Variants in MRPS28 observed in about 807,000 individuals in gnomAD.
The protein encoded by MRPS28 is small ribosomal subunit protein bS1m.
A neutral mutation model predicts 10.8 loss-of-function variants in MRPS28; 7 were observed. The observed-to-expected ratio is 0.65, with a 90% CI of 0.37 to 1.22. The LOEUF is 1.22. Ranked by LOEUF, MRPS28 falls within the 50% of genes most tolerant of loss-of-function variation. MRPS28 has a pLI of 0.02. For synonymous variants in MRPS28, 121 were observed against 93.3 expected (o/e 1.30, Z -1.71); for missense variants, 265 against 232.9 (o/e 1.14, Z -0.90).
intron 1 of MRPS28, among the ~76,000 whole-genome samples, chr8:80,016,142 T>C (rs188068313): frequency 3.8e-4 from 58 of 152,218 alleles, no homozygotes; most frequent in African/African-American, 1.3e-3. Flanking sequence ...ACTAAGACTT[T>C]CCTTCAAATT....
At chr8:79,933,950 T>C (rs543512003) in intron 2 of MRPS28, among the ~76,000 whole-genome samples, 3 of 152,328 alleles carry the variant, frequency 2.0e-5, no homozygotes, top group South Asian at 2.1e-4. Flanking sequence ...TGCTCTCAGA[T>C]TGGACTCTCA....
intron 2 of MRPS28, among the ~76,000 whole-genome samples, chr8:79,920,470 A>C (rs1265669360): frequency 6.6e-6 from 1 of 152,174 alleles, no homozygotes; most frequent in Non-Finnish European, 1.5e-5. Context: ...CTGACTTTTT[A>C]ATGATCACCA....
chr8:79,966,257 A>C (rs529253245), intron 2 of MRPS28, among the ~76,000 whole-genome samples: 1 of 152,170 alleles, frequency 6.6e-6, no homozygotes, highest in East Asian at 1.9e-4. Flanking sequence ...CATTATAGAT[A>C]TATAAAGGGT....
At chr8:79,953,895 T>C (rs560608216) in intron 2 of MRPS28, among the ~76,000 whole-genome samples, 1 of 152,330 alleles carries the variant, frequency 6.6e-6, no homozygotes, top group Admixed American at 6.5e-5. Flanking sequence ...TCTGTGTGTA[T>C]GCATATACAC....
At chr8:79,979,781 G>A (rs1286820102) in intron 2 of MRPS28, among the ~76,000 whole-genome samples, 2 of 151,752 alleles carry the variant, frequency 1.3e-5, no homozygotes, top group African/African-American at 2.4e-5. Context: ...CAGACATGTG[G>A]TCTGTAGAAT....
chr8:80,018,548 A>G (rs1809267809), intron 1 of MRPS28, among the ~76,000 whole-genome samples: 1 of 152,192 alleles, frequency 6.6e-6, no homozygotes. Context: ...AACATAAATT[A>G]GTACAACCAC....
At chr8:79,941,963 T>C (rs1337280694) in intron 2 of MRPS28, among the ~76,000 whole-genome samples, 3 of 152,142 alleles carry the variant, frequency 2.0e-5, no homozygotes, top group Non-Finnish European at 4.4e-5. Context: ...TAAAGCATAG[T>C]ATGTGCATTT....
At chr8:79,958,820 A>G (rs1807295791) in intron 2 of MRPS28, among the ~76,000 whole-genome samples, 2 of 152,132 alleles carry the variant, frequency 1.3e-5, no homozygotes, top group Non-Finnish European at 2.9e-5. Context: ...ACCCCCAAGT[A>G]TATAAAAATT....
chr8:79,960,524 GCAGGTACCCCA>G (rs1228199774), intron 2 of MRPS28, among the ~76,000 whole-genome samples: 1 of 152,136 alleles, frequency 6.6e-6, no homozygotes, highest in Non-Finnish European at 1.5e-5. Context: ...GTGGGTGCAT[GCAGGTACCCCA>G]CAGGCTAGTA....
chr8:79,919,890 T>C (rs1222009120), intron 2 of MRPS28, among the ~76,000 whole-genome samples: 7 of 151,900 alleles, frequency 4.6e-5, no homozygotes, highest in Admixed American at 1.3e-4. Flanking sequence ...GTTGGTGTGC[T>C]GCACCCATTA....
chr8:80,023,696 A>AT (rs1203824348), intron 1 of MRPS28, among the ~76,000 whole-genome samples: 1 of 152,162 alleles, frequency 6.6e-6, no homozygotes, highest in Admixed American at 6.5e-5. Context: ...TCTGAAAAAC[A>AT]TTTTTTCCAA....
chr8:79,985,968 A>G lies in MRPS28; in HGVS notation c.395+17031T>C, dbSNP rs544010534. Among the ~76,000 whole-genome samples, 4 of 152,262 alleles carry G rather than the reference A, an allele frequency of 2.6e-5. No individual in the cohort carries two copies. The East Asian group carries it at 7.7e-4, about 29-fold the overall frequency. On this transcript the variant is annotated intron_variant, in intron 2 of 2. Coordinates refer to ENST00000276585, the MANE Select transcript of MRPS28 (RefSeq NM_014018.3). ...TGATACCAAAGCCTGGCAGAGACACAACCAAAAAAGAGAATTTTAGACTAA... is the reference window on the plus strand; with the variant it reads ...TGATACCAAAGCCTGGCAGAGACACGACCAAAAAAGAGAATTTTAGACTAA...
chr8:80,005,289 C>T lies in MRPS28; in HGVS notation c.214-2109G>A, dbSNP rs181447336. Among the ~76,000 whole-genome samples, 58 of 152,244 alleles carry T rather than the reference C, an allele frequency of 3.8e-4. No homozygotes were observed. In the East Asian group the frequency reaches 6.5e-3, roughly 17 times the overall value. On this transcript the variant is annotated intron_variant, in intron 1 of 2. Coordinates refer to ENST00000276585, the MANE Select transcript of MRPS28 (RefSeq NM_014018.3). ...GCCATCAGACTAACAGCGGATCTCTCGGCAGAAACTCTACAAGCCAGAAGA... is the reference window on the plus strand; with the variant it reads ...GCCATCAGACTAACAGCGGATCTCTTGGCAGAAACTCTACAAGCCAGAAGA...
At chr8:79,991,090 G>T (rs953505208) in intron 2 of MRPS28, among the ~76,000 whole-genome samples, 2 of 152,110 alleles carry the variant, frequency 1.3e-5, no homozygotes, top group African/African-American at 4.8e-5. Context: ...GGAAAGGGCA[G>T]ATTTCAGTGA....
chr8:79,988,553 T>A (rs958988220), intron 2 of MRPS28, among the ~76,000 whole-genome samples: 2 of 152,012 alleles, frequency 1.3e-5, no homozygotes, highest in African/African-American at 2.4e-5. Flanking sequence ...TTTTCAAGTA[T>A]AGGACAATGT....
At position 79,918,969 on chromosome 8, in the gene MRPS28, G is replaced by A; in HGVS notation, c.*11C>T. On this transcript the variant is annotated 3_prime_UTR_variant, in exon 3 of 3. Coordinates refer to ENST00000276585, the MANE Select transcript of MRPS28 (RefSeq NM_014018.3). ...TTCAGCAAAGGAGTCAATCCACTAAGCAAAGTTCATTTATTTTTCATGATG... is the reference window on the plus strand; with the variant it reads ...TTCAGCAAAGGAGTCAATCCACTAAACAAAGTTCATTTATTTTTCATGATG... 6.6e-7 allele frequency: 1 copy of A among 1,522,000 alleles called. No homozygotes were observed. Among genetic ancestry groups the A allele is most frequent in the Non-Finnish European group, 8.8e-7 (1 of 1,134,734 alleles). The allele number at this position is 1,522,000 out of a possible 1,614,324, so 94.3% of individuals were successfully genotyped here.
At chr8:79,987,807 G>A (rs897299572) in intron 2 of MRPS28, among the ~76,000 whole-genome samples, 1 of 152,174 alleles carries the variant, frequency 6.6e-6, no homozygotes, top group Non-Finnish European at 1.5e-5. Flanking sequence ...GGAGAAATAG[G>A]AACACTTTTA....
chr8:79,985,818 T>A (rs1426325789), intron 2 of MRPS28, among the ~76,000 whole-genome samples: 1 of 151,954 alleles, frequency 6.6e-6, no homozygotes, highest in Non-Finnish European at 1.5e-5. Context: ...CAGGACCAGA[T>A]GGATTCACAG....
At chr8:79,950,323 G>A (rs1414143071) in intron 2 of MRPS28, among the ~76,000 whole-genome samples, 2 of 151,962 alleles carry the variant, frequency 1.3e-5, no homozygotes, top group Non-Finnish European at 2.9e-5. Flanking sequence ...TTCTCAACTC[G>A]GGTTCAGCCA....
Sources: allele counts gnomAD v4.1 joint callset (sites outside exome capture counted in the v4.1 genomes callset), GRCh38; gene constraint gnomAD v4.1.1; transcripts MANE v1.5; gene names NCBI Gene and HGNC (gene_info 2026-07-23, HGNC 2026-07-21).